The following TIMELESS variants were observed in gnomAD, a reference collection of about 807,000 sequenced individuals.
The protein encoded by TIMELESS is timeless circadian regulator, also known as protein timeless homolog.
Under a neutral mutation model 164.3 loss-of-function variants are expected in TIMELESS, and 124 were observed. The ratio of observed to expected loss-of-function variants is 0.75; its 90% confidence interval spans 0.65 to 0.88. The LOEUF is 0.88. Ranked by LOEUF, TIMELESS falls within the 40% of genes least tolerant of loss-of-function variation. The pLI, the probability that TIMELESS is intolerant of heterozygous loss-of-function variation, is 0.00. For synonymous variants in TIMELESS, 564 were observed against 563.4 expected, an observed-to-expected ratio of 1.00 and a Z score of -0.02; for missense variants, 1,422 against 1,491.4, an observed-to-expected ratio of 0.95 and a Z score of 0.77.
At chr12:56,435,466 C>T (rs1006954400) in intron 1 of TIMELESS, among the ~76,000 whole-genome samples, 2 of 152,180 alleles carry the variant, frequency 1.3e-5, no homozygotes, top group African/African-American at 4.8e-5. Flanking sequence ...TCAAGCAGTC[C>T]TCCTGCCTCA....
At chr12:56,449,272 GTGT>G (rs1247610464) in intron 1 of TIMELESS, 35 bp downstream of exon 1, 1 of 152,278 alleles carries the variant, frequency 6.6e-6, no homozygotes, top group East Asian at 1.9e-4. Flanking sequence ...AAGGATCCCC[GTGT>G]CCGCTTAGCG....
chr12:56,422,902 TC>T lies in TIMELESS; in HGVS notation c.2382del (p.Trp794Ter). 6.2e-7 allele frequency: 1 copy of T among 1,613,656 alleles called. No individual in the cohort carries two copies. The highest frequency in any genetic ancestry group is 8.5e-7 in the Non-Finnish European group (1 of 1,179,990). On this transcript the variant is annotated frameshift_variant, in exon 19 of 29. Transcript: ENST00000553532. LOFTEE classifies it high-confidence loss of function. ...NQKAFVELLF[W>X]KNTAVVREMT... Reference sequence around the variant, plus strand: ...ATCTCTCGAACCACAGCTGTGTTCTTCCAGAACAACAGCTCCACAAAGGCTT... The same window carrying T: ...ATCTCTCGAACCACAGCTGTGTTCTTCAGAACAACAGCTCCACAAAGGCTT...
rs1310572052 is a variant in TIMELESS at position 56,433,089 on chromosome 12, A to G, written c.468T>C (p.Ile156=). 2 of 1,614,184 alleles carry G rather than the reference A, an allele frequency of 1.2e-6. No individual in the cohort carries two copies. The highest frequency in any genetic ancestry group is 1.7e-6 in the Non-Finnish European group (2 of 1,180,042). Residue 156 remains isoleucine, a synonymous_variant, in exon 6 of 29, where the codon ATT becomes ATC. Coordinates refer to ENST00000553532, the MANE Select transcript of TIMELESS (RefSeq NM_003920.5). ...EERQEEDNLL[I]ERILLLVRNI... ...TTCTGACCAGCAGTAGGATCCGTTC[A>G]ATCAGCAAGTTGTCTTCCTCCTGCC...
In TIMELESS at chr12:56,423,382, C is replaced by A; in HGVS notation, c.2184G>T (p.Met728Ile). The A allele has an allele frequency of 6.2e-7, 1 of 1,614,162 alleles. No homozygotes were observed. Among genetic ancestry groups the A allele is most frequent in the Non-Finnish European group, 8.5e-7 (1 of 1,180,040 alleles). The change falls in exon 18 of 29, where the codon ATG becomes ATT. Residue 728 changes from methionine (M) to isoleucine (I), a missense_variant. Transcript: ENST00000553532. The stretch of plus-strand genomic sequence containing the variant: ...TGAGGTCATGGGCCAGCCGGTGCAG[C>A]ATCTTCACAATGCAATGGTTAGTGT... ...SAHTNHCIVKMLHRLAHDLKM... is the reference protein window; with the variant it reads ...SAHTNHCIVKILHRLAHDLKM...
At chr12:56,430,840 C>A (rs745924541) in intron 9 of TIMELESS, 41 bp downstream of exon 9, 3 of 1,362,606 alleles carry the variant, frequency 2.2e-6, no homozygotes, top group Non-Finnish European at 3.1e-6. Flanking sequence ...TTAAGCTATG[C>A]AACTCCACTA....
rs553909013 is a variant in TIMELESS at position 56,447,020 on chromosome 12, T to A, written c.-62+2290A>T. ...AGGACAGGAATTCTTTTTATTTTTT[T>A]TTTTTTTGGAGACGAGTCTCACTCT... On this transcript the variant is annotated intron_variant, in intron 1 of 28. Transcript: ENST00000553532. Among the ~76,000 whole-genome samples, 203 of 151,550 alleles carry A rather than the reference T, an allele frequency of 1.3e-3. 3 individuals are homozygous for A. Among genetic ancestry groups the A allele is most frequent in the South Asian group, 7.5e-3 (36 of 4,800 alleles).
At position 56,447,658 on chromosome 12, in the gene TIMELESS, G is replaced by A. The variant is rs566287801; in HGVS notation, c.-62+1652C>T. On this transcript the variant is annotated intron_variant, in intron 1 of 28. Transcript: ENST00000553532. ...TCCTACTCATCTCTGTAAGCCTGGC[G>A]CTAAGCACAGTGCATGGTACATGTT... Among the ~76,000 whole-genome samples, 8 of 152,126 alleles carry A rather than the reference G, an allele frequency of 5.3e-5. No individual in the cohort carries two copies. The South Asian group carries it at 6.2e-4, about 12-fold the overall frequency.
At chr12:56,422,324 G>A (rs1881525363) in intron 19 of TIMELESS, 133 bp from the exon 20 acceptor site, 7 of 707,902 alleles carry the variant, frequency 9.9e-6, no homozygotes, top group African/African-American at 1.8e-5. Flanking sequence ...GCCAGCAGAG[G>A]CCTACAGTGT....
At chr12:56,418,061 G>C in intron 27 of TIMELESS, 53 bp from the exon 28 acceptor site, 2 of 1,613,352 alleles carry the variant, frequency 1.2e-6, no homozygotes, top group Non-Finnish European at 8.5e-7. Context: ...CATATTCTCA[G>C]AACACCTTTC....
In TIMELESS at chr12:56,428,566, C is replaced by T; in HGVS notation, c.1391G>A (p.Ser464Asn). Residue 464 changes from serine (S) to asparagine (N), a missense_variant, in exon 12 of 29, where the codon AGC becomes AAC. Physicochemically the swap from Ser to Asn is conservative, Grantham distance 46. Coordinates refer to ENST00000553532, the MANE Select transcript of TIMELESS (RefSeq NM_003920.5). ...DISPDEAVRESSRIIKNNIFY... is the reference protein window; with the variant it reads ...DISPDEAVRENSRIIKNNIFY... The stretch of plus-strand genomic sequence containing the variant: ...GGCCTCACTCTTGATGATGCGGCTG[C>T]TCTCCCTCACAGCCTCATCTGGAGA... 6.2e-7 allele frequency: 1 copy of T among 1,613,940 alleles called. No homozygotes were observed. The highest frequency in any genetic ancestry group is 8.5e-7 in the Non-Finnish European group (1 of 1,179,938).
At chr12:56,447,733 C>A (rs1330786565) in intron 1 of TIMELESS, among the ~76,000 whole-genome samples, 1 of 151,976 alleles carries the variant, frequency 6.6e-6, no homozygotes. Context: ...TATCAGTGCC[C>A]CTGGTAATAG....
chr12:56,429,984 A>G, intron 10 of TIMELESS, 121 bp downstream of exon 10: 1 of 893,194 alleles, frequency 1.1e-6, no homozygotes, highest in East Asian at 2.8e-5. Context: ...CTTCCCACCT[A>G]CGAGTCCACA....
rs779522339 is a variant in TIMELESS at position 56,421,962 on chromosome 12, C to T, written c.2579G>A (p.Arg860His). The T allele has an allele frequency of 1.1e-5, 18 of 1,614,026 alleles. No homozygotes were observed. Among genetic ancestry groups the T allele is most frequent in the Admixed American group, 3.3e-5 (2 of 59,992 alleles). The change falls in exon 21 of 29, where the codon CGC (arginine) becomes CAC (histidine). Residue 860 changes from arginine (R) to histidine (H), a missense_variant. Transcript: ENST00000553532. ...TACCAGATGGTGGATGATCTGCTTG[C>T]GTGTTCGAGGAACAGTATTCAGGTG... is the stretch of plus-strand genomic sequence containing the variant. ...LAHLNTVPRT[R>H]KQIIHHLVQM...
At chr12:56,423,157 T>C in intron 18 of TIMELESS, 117 bp downstream of exon 18, 2 of 1,418,872 alleles carry the variant, frequency 1.4e-6, no homozygotes, top group Middle Eastern at 2.4e-4. Flanking sequence ...ACTTTCTCAT[T>C]GTTTTCCCAT....
rs755083908 is a variant in TIMELESS at position 56,424,780 on chromosome 12, G to A, written c.1850C>T (p.Thr617Ile). Residue 617 changes from threonine to isoleucine, a missense_variant, in exon 15 of 29, where the codon ACT becomes ATT. Transcript: ENST00000553532. ...TTCTTACCGAGCAGACCTCAGGAGA[G>A]TCAGGGCCTGTGGGGCCTGGCCAGC... ...LLAGQAPQAL[T>I]LLRSAREVWP... 2 of 1,614,162 alleles carry A rather than the reference G, an allele frequency of 1.2e-6. No individual in the cohort carries two copies. The highest frequency in any genetic ancestry group is 1.7e-6 in the Non-Finnish European group (2 of 1,180,030).
At chr12:56,445,818 CT>C (rs1276120694) in intron 1 of TIMELESS, among the ~76,000 whole-genome samples, 1 of 152,110 alleles carries the variant, frequency 6.6e-6, no homozygotes, top group African/African-American at 2.4e-5. Flanking sequence ...GTCTATCCTT[CT>C]ATCCCAATTG....
chr12:56,422,811 C>G, intron 19 of TIMELESS, 36 bp downstream of exon 19: 5 of 1,457,376 alleles, frequency 3.4e-6, no homozygotes, highest in African/African-American at 1.4e-5. Flanking sequence ...CAAACTTCCC[C>G]TACCCCCACC....
chr12:56,442,281 C>G (rs749233880), intron 1 of TIMELESS, among the ~76,000 whole-genome samples: 1 of 152,090 alleles, frequency 6.6e-6, no homozygotes, highest in Non-Finnish European at 1.5e-5. Context: ...CCTTTGAAAG[C>G]TGCATAGGAT....
chr12:56,429,060 G>T lies in TIMELESS; in HGVS notation c.1127C>A (p.Thr376Asn). The change falls in exon 11 of 29, where the codon ACC becomes AAC. Residue 376 changes from threonine to asparagine, a missense_variant. Thr to Asn is a moderately conservative substitution (Grantham distance 65). Transcript: ENST00000553532. ...GAAAGCCAAGGCCCACATATAATAGGTCTCATCATGCTGCTGAGCTTTCTC... is the reference window on the plus strand; with the variant it reads ...GAAAGCCAAGGCCCACATATAATAGTTCTCATCATGCTGCTGAGCTTTCTC... ...LREKAQQHDE[T>N]YYMWALAFFM... 1.9e-6 allele frequency: 3 copies of T among 1,613,868 alleles called. No homozygotes were observed. The highest frequency in any genetic ancestry group is 2.5e-6 in the Non-Finnish European group (3 of 1,180,010).
Sources: allele counts gnomAD v4.1 joint callset (sites outside exome capture counted in the v4.1 genomes callset), GRCh38; gene constraint gnomAD v4.1.1; transcripts MANE v1.5; gene names NCBI Gene and HGNC (gene_info 2026-07-23, HGNC 2026-07-21).